TBC1D23: variants seen among roughly 807,000 people sequenced by gnomAD.
The protein encoded by TBC1D23 is TBC1 domain family member 23, also known as HCV non-structural protein 4A-transactivated protein 1.
TBC1D23 carries 55 observed loss-of-function variants against 91.4 expected under a neutral mutation model. The ratio of observed to expected loss-of-function variants is 0.60; its 90% CI spans 0.48 to 0.75. The LOEUF (loss-of-function observed/expected upper bound fraction) is 0.75, where lower values mean the gene tolerates loss of function less well. Ranked by LOEUF, TBC1D23 falls within the 30% of genes least tolerant of loss-of-function variation. The pLI is 0.00. For missense variants in TBC1D23, 725 were observed against 836.1 expected (o/e 0.87, Z 1.64); for synonymous variants, 289 against 281.0 (o/e 1.03, Z -0.28).
At chr3:100,310,257 C>G in intron 13 of TBC1D23, 146 bp from the exon 14 acceptor site, 1 of 711,768 alleles carries the variant, frequency 1.4e-6, no homozygotes, top group Non-Finnish European at 2.3e-6. Flanking sequence ...CAAATACAGT[C>G]ACATTCTGAG....
Position 100,290,659 on chromosome 3 carries a change from T to G in TBC1D23, c.558T>G (p.Leu186=). The G allele has an allele frequency of 6.2e-7, 1 of 1,612,788 alleles. No homozygotes were observed. Among genetic ancestry groups the G allele is most frequent in the Non-Finnish European group, 8.5e-7 (1 of 1,178,992 alleles). Reference sequence around the variant, plus strand: ...ATGAGCCTGAGCTTTGTTCTTATCTTGATACAAAGAAAATTACTCCAGACT... The same window carrying G: ...ATGAGCCTGAGCTTTGTTCTTATCTGGATACAAAGAAAATTACTCCAGACT... ...QYHEPELCSY[L]DTKKITPDSY... is the part of the protein sequence containing the mutation. Residue 186 remains leucine (L), a synonymous_variant, in exon 5 of 19, where the codon CTT becomes CTG. Transcript: ENST00000394144.
intron 2 of TBC1D23, among the ~76,000 whole-genome samples, chr3:100,281,297 T>TA (rs1365817592): frequency 1.3e-5 from 2 of 152,222 alleles, no homozygotes; most frequent in African/African-American, 2.4e-5. Flanking sequence ...ATATGTCACT[T>TA]AAGATTCTTT....
At chr3:100,311,224 A>C (rs558175180) in intron 14 of TBC1D23, among the ~76,000 whole-genome samples, 1 of 152,304 alleles carries the variant, frequency 6.6e-6, no homozygotes, top group African/African-American at 2.4e-5. Context: ...GAAATGTGTT[A>C]TAGTATTTGG....
At chr3:100,309,930 G>T (rs1244179571) in intron 13 of TBC1D23, among the ~76,000 whole-genome samples, 1 of 152,068 alleles carries the variant, frequency 6.6e-6, no homozygotes, top group East Asian at 1.9e-4. Flanking sequence ...TTCTTAAAAT[G>T]ATTTCACCTA....
At chr3:100,265,480 A>G (rs2067550438) in intron 1 of TBC1D23, among the ~76,000 whole-genome samples, 1 of 152,230 alleles carries the variant, frequency 6.6e-6, no homozygotes, top group African/African-American at 2.4e-5. Context: ...AATATAAGTT[A>G]TGAGAATCTG....
chr3:100,314,715 C>A (rs1444970909), intron 15 of TBC1D23, among the ~76,000 whole-genome samples: 1 of 152,192 alleles, frequency 6.6e-6, no homozygotes, highest in Non-Finnish European at 1.5e-5. Context: ...GAATTCGAGG[C>A]TGCAGTGAGC....
At chr3:100,314,626 G>A (rs1017583183) in intron 15 of TBC1D23, among the ~76,000 whole-genome samples, 12 of 152,052 alleles carry the variant, frequency 7.9e-5, no homozygotes, top group African/African-American at 2.9e-4. Flanking sequence ...TTAGGCAGGC[G>A]TAGTGGCACA....
chr3:100,307,833 A>T (rs1334930970), intron 13 of TBC1D23, among the ~76,000 whole-genome samples: 1 of 152,210 alleles, frequency 6.6e-6, no homozygotes, highest in Non-Finnish European at 1.5e-5. Flanking sequence ...TTCTGTTACA[A>T]ACACTATTTA....
chr3:100,301,916 C>T (rs1705440670), intron 10 of TBC1D23, 151 bp from the exon 11 acceptor site: 5 of 579,466 alleles, frequency 8.6e-6, no homozygotes, highest in Admixed American at 7.1e-5. Flanking sequence ...TTCTCTTATC[C>T]CAGGGATTTT....
rs747637295 is a variant in TBC1D23, at chr3:100,320,891, CA to C, written c.1947del (p.Lys649AsnfsTer18). On this transcript the variant is annotated frameshift_variant, in exon 18 of 19. Transcript: ENST00000394144. LOFTEE classifies it high-confidence loss of function. The part of the protein sequence containing the change: ...ALNSVVKITS[K>X]KKHPELITFK... ...TGAATTCTGTAGTTAAAATTACATCCAAAAAAAAACATCCTGAACTCATTAC... is the reference window on the plus strand; with the variant it reads ...TGAATTCTGTAGTTAAAATTACATCCAAAAAAAACATCCTGAACTCATTAC... 3.8e-5 allele frequency: 61 copies of C among 1,586,452 alleles called. No homozygotes were observed. Among genetic ancestry groups the C allele is most frequent in the Middle Eastern group, 1.7e-4 (1 of 5,898 alleles).
At chr3:100,304,020 T>TA (rs1290805246) in intron 11 of TBC1D23, among the ~76,000 whole-genome samples, 1 of 152,202 alleles carries the variant, frequency 6.6e-6, no homozygotes, top group Non-Finnish European at 1.5e-5. Context: ...TTAAAAAAAA[T>TA]TTAACTAGTG....
chr3:100,300,763 G>A (rs1222732937), intron 10 of TBC1D23, among the ~76,000 whole-genome samples: 1 of 152,070 alleles, frequency 6.6e-6, no homozygotes, highest in East Asian at 1.9e-4. Context: ...GCCTCCCAAA[G>A]TGCAGGGATT....
At chr3:100,287,001 G>A (rs1392723420) in intron 4 of TBC1D23, among the ~76,000 whole-genome samples, 1 of 151,922 alleles carries the variant, frequency 6.6e-6, no homozygotes, top group African/African-American at 2.4e-5. Context: ...TTTTAGTAGA[G>A]ATGGGGTTTT....
Position 100,301,867 on chromosome 3 carries a change from A to T in TBC1D23, c.1093-200A>T, listed in dbSNP as rs541563747. The T allele has an allele frequency of 6.0e-4, 284 of 472,836 alleles. 1 individual carries two copies. Among genetic ancestry groups the T allele is most frequent in the Admixed American group, 2.2e-3 (51 of 23,538 alleles). The allele number at this position is 472,836 out of a possible 1,614,324, so 29.3% of individuals were successfully genotyped here. On this transcript the variant is annotated intron_variant, in intron 10 of 18. Transcript: ENST00000394144. Reference sequence around the variant, plus strand: ...GCATCAATCTTTGTGTGAATGTTCAACTTTTGTTCTATTGTATTATAGATA... The same window carrying T: ...GCATCAATCTTTGTGTGAATGTTCATCTTTTGTTCTATTGTATTATAGATA...
At chr3:100,307,671 AT>A (rs1439945798) in intron 13 of TBC1D23, among the ~76,000 whole-genome samples, 1 of 152,210 alleles carries the variant, frequency 6.6e-6, no homozygotes, top group African/African-American at 2.4e-5. Flanking sequence ...TGATACTCTT[AT>A]TTTTAACTTG....
At chr3:100,263,518 A>C (rs2067531703) in intron 1 of TBC1D23, among the ~76,000 whole-genome samples, 2 of 152,228 alleles carry the variant, frequency 1.3e-5, no homozygotes, top group African/African-American at 4.8e-5. Flanking sequence ...AATGAGAACT[A>C]CCTGGTTGGA....
chr3:100,293,130 C>CGTTTGT (rs1559807155), intron 5 of TBC1D23, among the ~76,000 whole-genome samples: 39 of 79,094 alleles, frequency 4.9e-4, no homozygotes, highest in African/African-American at 2.6e-3. Flanking sequence ...TGTTTGTTTA[C>CGTTTGT]TTATTTATTT....
intron 5 of TBC1D23, among the ~76,000 whole-genome samples, chr3:100,293,173 A>G (rs1380631488): frequency 1.3e-5 from 2 of 151,330 alleles, no homozygotes; most frequent in Non-Finnish European, 2.9e-5. Flanking sequence ...AGTCTCTTTC[A>G]CCCAGACTGG....
intron 4 of TBC1D23, among the ~76,000 whole-genome samples, chr3:100,285,963 T>G (rs1483065787): frequency 6.6e-6 from 1 of 152,224 alleles, no homozygotes; most frequent in Admixed American, 6.5e-5. Flanking sequence ...CTCCTATTTT[T>G]TCCACAGTAA....
Sources: allele counts gnomAD v4.1 joint callset (sites outside exome capture counted in the v4.1 genomes callset), GRCh38; gene constraint gnomAD v4.1.1; transcripts MANE v1.5; gene names NCBI Gene and HGNC (gene_info 2026-07-23, HGNC 2026-07-21).